Variants in TBC1D9 observed in about 807,000 individuals in gnomAD.
The protein encoded by TBC1D9 is TBC1 domain family member 9.
A neutral mutation model predicts 132.0 loss-of-function variants in TBC1D9; 63 were observed. The observed-to-expected ratio is 0.48, with a 90% CI of 0.39 to 0.59. TBC1D9 has a LOEUF of 0.59. TBC1D9 is among the 20% of genes least tolerant of loss of function. TBC1D9 has a pLI of 0.00. For synonymous variants in TBC1D9, 610 were observed against 609.9 expected, an observed-to-expected ratio of 1.00 and a Z score of 0.00; for missense variants, 1,261 against 1,592.7, an observed-to-expected ratio of 0.79 and a Z score of 3.54.
In TBC1D9 at chr4:140,622,587, C is replaced by T; in HGVS notation, c.3409G>A (p.Asp1137Asn). The change falls in exon 21 of 21, where the codon GAC becomes AAC. Residue 1137 changes from aspartate to asparagine, a missense_variant. By Grantham distance (23) the Asp-to-Asn change is conservative. Coordinates refer to ENST00000442267, the MANE Select transcript of TBC1D9 (RefSeq NM_015130.3). ...GGQMEDIKLE[D>N]SSPRDNGACS... ...GCCCCGTTGTCCCGGGGCGAGGAGT[C>T]CTCCAGCTTGATGTCCTCCATTTGT... The T allele has an allele frequency of 1.2e-6, 2 of 1,613,984 alleles. No individual in the cohort carries two copies. The highest frequency in any genetic ancestry group is 1.7e-6 in the Non-Finnish European group (2 of 1,179,878).
intron 9 of TBC1D9, among the ~76,000 whole-genome samples, chr4:140,668,225 T>C (rs10007683): frequency 0.065 from 9,876 of 152,214 alleles, 504 homozygotes; most frequent in African/African-American, 0.14. Flanking sequence ...CTGGTTTCTG[T>C]AGCAGGGCTC....
chr4:140,670,217 G>T (rs1037972924), intron 7 of TBC1D9, among the ~76,000 whole-genome samples: 3 of 152,150 alleles, frequency 2.0e-5, no homozygotes, highest in African/African-American at 7.2e-5. Flanking sequence ...GATGTTATGT[G>T]TGAGCTTACC....
chr4:140,622,701 T>C lies in TBC1D9; in HGVS notation c.3295A>G (p.Lys1099Glu), dbSNP rs1736638018. ...QGIPGVLFPK[K>E]GPGQPYVVES... is the part of the protein sequence containing the mutation. Reference sequence around the variant, plus strand: ...ACCACGTAAGGCTGGCCTGGCCCTTTCTTGGGGAAGAGCACGCCTGGGATG... The same window carrying C: ...ACCACGTAAGGCTGGCCTGGCCCTTCCTTGGGGAAGAGCACGCCTGGGATG... The change falls in exon 21 of 21, where the codon AAA (lysine) becomes GAA (glutamate). Residue 1099 changes from lysine to glutamate, a missense_variant. Lys to Glu is a moderately conservative substitution (Grantham distance 56, BLOSUM62 1). Around this residue, in one of 3 missense-constraint regions of TBC1D9, gnomAD observed 618 missense variants for 724.4 expected, o/e 0.85. Transcript: ENST00000442267. 1 of 1,611,642 alleles carries C rather than the reference T, an allele frequency of 6.2e-7. No individual in the cohort carries two copies. Among genetic ancestry groups the C allele is most frequent in the Non-Finnish European group, 8.5e-7 (1 of 1,179,474 alleles).
intron 2 of TBC1D9, among the ~76,000 whole-genome samples, chr4:140,691,459 T>C (rs1737877531): frequency 6.6e-6 from 1 of 152,230 alleles, no homozygotes; most frequent in Non-Finnish European, 1.5e-5. Context: ...GACAAGGAAC[T>C]GATCTATTTA....
Position 140,620,935 on chromosome 4 carries a change from A to T in TBC1D9, c.*1260T>A, listed in dbSNP as rs1420136556. The T allele has an allele frequency of 6.5e-6, 1 of 152,682 alleles. No homozygotes were observed. The highest frequency in any genetic ancestry group is 6.5e-5 in the Admixed American group (1 of 15,290). 9.5% of individuals were successfully genotyped at this position (152,682 alleles called of 1,614,324 possible). ...ACACAATGTATAATAAAATAAAGGA[A>T]TGTGTTGAAAGAAATATTCCAAAGA... is the stretch of plus-strand genomic sequence containing the variant. On this transcript the variant is annotated 3_prime_UTR_variant, in exon 21 of 21. Transcript: ENST00000442267.
At chr4:140,663,731 T>C (rs1288813248) in intron 9 of TBC1D9, among the ~76,000 whole-genome samples, 2 of 152,124 alleles carry the variant, frequency 1.3e-5, no homozygotes, top group African/African-American at 4.8e-5. Context: ...AGTCCTATCA[T>C]TTTTGATAAC....
At chr4:140,681,855 C>T (rs1420349276) in intron 3 of TBC1D9, among the ~76,000 whole-genome samples, 1 of 152,202 alleles carries the variant, frequency 6.6e-6, no homozygotes, top group African/African-American at 2.4e-5. Flanking sequence ...TACCACCTTC[C>T]CTGTGAAACC....
chr4:140,723,627 C>T (rs932114982), intron 1 of TBC1D9, among the ~76,000 whole-genome samples: 1 of 152,194 alleles, frequency 6.6e-6, no homozygotes, highest in Non-Finnish European at 1.5e-5. Flanking sequence ...AGCCACCATG[C>T]CCGGCCTACT....
intron 1 of TBC1D9, chr4:140,715,989 T>C (rs1232122593): frequency 6.6e-6 from 1 of 152,234 alleles, no homozygotes; most frequent in African/African-American, 2.4e-5. Context: ...TCACCAAAGA[T>C]GGTTTGACTG....
chr4:140,653,641 C>T (rs1212446031), intron 13 of TBC1D9, among the ~76,000 whole-genome samples: 2 of 151,968 alleles, frequency 1.3e-5, no homozygotes, highest in African/African-American at 4.8e-5. Context: ...GGGAAAAAAA[C>T]AATCAGCAAG....
At chr4:140,656,784 C>T (rs1737278145) in intron 13 of TBC1D9, among the ~76,000 whole-genome samples, 1 of 152,222 alleles carries the variant, frequency 6.6e-6, no homozygotes, top group African/African-American at 2.4e-5. Flanking sequence ...GTCATGAAGA[C>T]TCTGCCTTCA....
intron 13 of TBC1D9, chr4:140,645,404 C>T (rs1434024682): frequency 1.3e-5 from 6 of 456,880 alleles, no homozygotes; most frequent in African/African-American, 1.0e-4. Context: ...CACCAGAGCC[C>T]GCGCATCCAA....
At chr4:140,679,543 T>C in intron 4 of TBC1D9, 72 bp downstream of exon 4, 1 of 1,034,608 alleles carries the variant, frequency 9.7e-7, no homozygotes, top group Non-Finnish European at 1.4e-6. Flanking sequence ...GATATTTTGA[T>C]GTGGTTTATG....
chr4:140,714,925 A>G (rs966581123), intron 1 of TBC1D9, among the ~76,000 whole-genome samples: 2 of 152,144 alleles, frequency 1.3e-5, no homozygotes, highest in African/African-American at 4.8e-5. Context: ...CCAGGAGACC[A>G]GCTCGGGCAA....
chr4:140,660,137 T>A (rs1326630558), intron 10 of TBC1D9, among the ~76,000 whole-genome samples: 4 of 152,236 alleles, frequency 2.6e-5, no homozygotes, highest in Non-Finnish European at 5.9e-5. Context: ...TATAATCAGG[T>A]ACACATGGCT....
chr4:140,679,516 A>T (rs998377722), intron 4 of TBC1D9, 99 bp downstream of exon 4: 1 of 869,948 alleles, frequency 1.1e-6, no homozygotes, highest in African/African-American at 1.7e-5. Flanking sequence ...CTTAGTTATA[A>T]CTATAGATTT....
Position 140,657,582 on chromosome 4 carries a change from C to T in TBC1D9, c.2152G>A (p.Val718Met). 2 of 1,613,980 alleles carry T rather than the reference C, an allele frequency of 1.2e-6. No individual in the cohort carries two copies. Among genetic ancestry groups the T allele is most frequent in the South Asian group, 1.1e-5 (1 of 91,082 alleles). Residue 718 changes from valine to methionine, a missense_variant, in exon 12 of 21, where the codon GTG becomes ATG. By Grantham distance (21) the Val-to-Met change is conservative. Transcript: ENST00000442267. ...QLALAVLDAN[V>M]DKLLNCKDDG... ...TCCTTGCAGTTCAACAGTTTGTCCA[C>T]ATTTGCATCCAGCACAGCTAGGGCC...
At chr4:140,688,920 T>C (rs1452614287) in intron 2 of TBC1D9, among the ~76,000 whole-genome samples, 1 of 152,116 alleles carries the variant, frequency 6.6e-6, no homozygotes, top group Non-Finnish European at 1.5e-5. Context: ...AGCCCTTCCT[T>C]GTCTGTAACC....
intron 6 of TBC1D9, among the ~76,000 whole-genome samples, chr4:140,673,076 C>T (rs1399030163): frequency 6.6e-6 from 1 of 151,786 alleles, no homozygotes; most frequent in Admixed American, 6.6e-5. Flanking sequence ...AGGACAATCA[C>T]TTGATCCCAG....
Sources: allele counts gnomAD v4.1 joint callset (sites outside exome capture counted in the v4.1 genomes callset), GRCh38; gene constraint gnomAD v4.1.1; regional missense constraint gnomAD v4.1.1; transcripts MANE v1.5; gene names NCBI Gene and HGNC (gene_info 2026-07-23, HGNC 2026-07-21).